MBTD1: variants seen among roughly 807,000 people sequenced by gnomAD.
MBTD1 encodes the protein mbt domain containing 1.
Under a neutral mutation model 87.8 loss-of-function variants are expected in MBTD1, and 24 were observed. The observed-to-expected ratio is 0.27, with a 90% CI of 0.20 to 0.38. The LOEUF is 0.38. MBTD1 is among the 10% of genes least tolerant of loss of function. The pLI, the probability that MBTD1 is intolerant of heterozygous loss-of-function variation, is 1.00. For missense variants in MBTD1, 436 were observed against 760.2 expected (o/e 0.57, Z 5.02); for synonymous variants, 237 against 248.6 (o/e 0.95, Z 0.44).
chr17:51,214,376 T>C (rs1250378672), intron 6 of MBTD1, among the ~76,000 whole-genome samples: 1 of 152,160 alleles, frequency 6.6e-6, no homozygotes, highest in Admixed American at 6.6e-5. Context: ...CCACTATAAA[T>C]AGTTACAGGA....
chr17:51,214,055 G>A (rs1037082532), intron 6 of MBTD1, among the ~76,000 whole-genome samples: 5 of 151,910 alleles, frequency 3.3e-5, no homozygotes, highest in Non-Finnish European at 5.9e-5. Flanking sequence ...GTGTATGTGT[G>A]TATATATATG....
intron 2 of MBTD1, among the ~76,000 whole-genome samples, chr17:51,249,254 G>C (rs191952774): frequency 6.6e-6 from 1 of 152,028 alleles, no homozygotes; most frequent in Non-Finnish European, 1.5e-5. Context: ...AGTTGGGGGT[G>C]GGGGGAAGCA....
At chr17:51,245,271 A>C (rs1023094472) in intron 2 of MBTD1, among the ~76,000 whole-genome samples, 10 of 151,868 alleles carry the variant, frequency 6.6e-5, no homozygotes, top group African/African-American at 2.4e-4. Flanking sequence ...TAGGGTTTTT[A>C]GTCTTAATTT....
chr17:51,259,492 G>A (rs2055322696), intron 1 of MBTD1, among the ~76,000 whole-genome samples: 1 of 152,098 alleles, frequency 6.6e-6, no homozygotes. Flanking sequence ...CCCACCCTGG[G>A]TGGCTAAAAA....
At chr17:51,260,591 C>T (rs1463426426), upstream of MBTD1, 2 of 1,611,990 alleles carry the variant, frequency 1.2e-6, no homozygotes, top group Non-Finnish European at 1.7e-6. Flanking sequence ...AACGATGCCG[C>T]CGGAGCGGAG....
upstream of MBTD1, chr17:51,260,387 C>T: frequency 4.9e-6 from 3 of 614,086 alleles, no homozygotes; most frequent in Non-Finnish European, 8.3e-6. Flanking sequence ...TTGGCCCTCC[C>T]GGAGGAACTC....
chr17:51,223,655 G>A lies in MBTD1; in HGVS notation c.154+1353C>T, dbSNP rs540892917. On this transcript the variant is annotated intron_variant, in intron 3 of 16. Coordinates refer to ENST00000586178, the MANE Select transcript of MBTD1 (RefSeq NM_017643.3). Reference sequence around the variant, plus strand: ...GTTTGAGACCGGCCTGGCCAATATGGTGAAACCCTATCTTTACTAAAAATA... The same window carrying A: ...GTTTGAGACCGGCCTGGCCAATATGATGAAACCCTATCTTTACTAAAAATA... Among the ~76,000 whole-genome samples, 13 of 152,200 alleles carry A rather than the reference G, an allele frequency of 8.5e-5. No homozygotes were observed. In the South Asian group the frequency reaches 2.5e-3, roughly 29 times the overall value.
chr17:51,185,449 G>A (rs190100234), intron 16 of MBTD1: 22 of 152,136 alleles, frequency 1.4e-4, no homozygotes, highest in Admixed American at 1.0e-3. Context: ...AATTACACTC[G>A]AATCAAATGC....
chr17:51,234,723 C>T (rs1034031512), intron 2 of MBTD1, among the ~76,000 whole-genome samples: 3 of 152,194 alleles, frequency 2.0e-5, no homozygotes, highest in Non-Finnish European at 4.4e-5. Flanking sequence ...GACGAAGTTT[C>T]GCTCTTGTCG....
In MBTD1 at chr17:51,202,702, A is replaced by T. The variant is rs2051561929; in HGVS notation, c.1062T>A (p.Ser354=). 1.2e-6 allele frequency: 2 copies of T among 1,611,088 alleles called. No homozygotes were observed. The highest frequency in any genetic ancestry group is 1.3e-5 in the African/African-American group (1 of 74,890). ...GGAGTTCTTGTGATAGGTGCTTACCAGATCTTTTGAATCGATGACCTATGC... is the reference window on the plus strand; with the variant it reads ...GGAGTTCTTGTGATAGGTGCTTACCTGATCTTTTGAATCGATGACCTATGC... ...SRSIGHRFKR[S]DITKKQDGHF... is the part of the protein sequence containing the mutation. The change falls in exon 10 of 17, where the codon TCT becomes TCA. Residue 354 remains serine (S), a splice_region_variant and synonymous_variant. Coordinates refer to ENST00000586178, the MANE Select transcript of MBTD1 (RefSeq NM_017643.3).
intron 2 of MBTD1, chr17:51,251,103 G>A (rs1003543220): frequency 6.6e-6 from 1 of 151,996 alleles, no homozygotes; most frequent in East Asian, 1.9e-4. Context: ...AATTTCACTT[G>A]GAGCATTGTG....
chr17:51,207,873 G>C, intron 6 of MBTD1, among the ~76,000 whole-genome samples: 1 of 152,190 alleles, frequency 6.6e-6, no homozygotes, highest in South Asian at 2.1e-4. Context: ...TATAAATGCT[G>C]ATAACACTAA....
chr17:51,192,973 G>A lies in MBTD1; in HGVS notation c.1499C>T (p.Ala500Val). ...TAAACGTGGCTCCATGAGATCTACT[G>A]CTTCTAATTTCATTCCTACACGAAA... ...HGFRVGMKLE[A>V]VDLMEPRLIC... Residue 500 changes from alanine to valine, a missense_variant, in exon 15 of 17, where the codon GCA becomes GTA. By Grantham distance (64) the Ala-to-Val change is moderately conservative (BLOSUM62 0). Transcript: ENST00000586178. 6.2e-7 allele frequency: 1 copy of A among 1,614,024 alleles called. No homozygotes were observed.
intron 2 of MBTD1, among the ~76,000 whole-genome samples, chr17:51,238,465 C>T (rs757378303): frequency 2.0e-5 from 3 of 152,014 alleles, no homozygotes; most frequent in Non-Finnish European, 2.9e-5. Context: ...ACAGAGGTAA[C>T]GAGAGTTTCT....
chr17:51,214,013 T>A (rs1243018143), intron 6 of MBTD1, among the ~76,000 whole-genome samples: 1 of 152,136 alleles, frequency 6.6e-6, no homozygotes, highest in Non-Finnish European at 1.5e-5. Context: ...CCAATCATAA[T>A]ACACAGATTT....
At chr17:51,202,000 G>A (rs2051519978) in intron 11 of MBTD1, 22 bp downstream of exon 11, 1 of 1,550,630 alleles carries the variant, frequency 6.4e-7, no homozygotes. Context: ...TACAAATGAG[G>A]GTTCTTATAA....
chr17:51,212,271 T>C (rs942959588), intron 6 of MBTD1, among the ~76,000 whole-genome samples: 20 of 151,562 alleles, frequency 1.3e-4, no homozygotes, highest in African/African-American at 4.6e-4. Context: ...GGCAAGAGAA[T>C]TGATTGAACC....
At position 51,187,798 on chromosome 17, in the gene MBTD1, G is replaced by A. The variant is rs913061197; in HGVS notation, c.1768+4405C>T. ...CGGGAGGCAGAGGTTGTGGCGAGCC[G>A]ACAGTGCACCACTGCACTCCAGCCT... On this transcript the variant is annotated intron_variant, in intron 16 of 16. Transcript: ENST00000586178. 6.1e-5 allele frequency among the ~76,000 whole-genome samples: 9 copies of A among 148,690 alleles called. No individual in the cohort carries two copies. In the South Asian group the frequency reaches 6.3e-4, roughly 10 times the overall value.
At chr17:51,217,153 A>T (rs899881948) in intron 6 of MBTD1, among the ~76,000 whole-genome samples, 181 bp downstream of exon 6, 1 of 152,204 alleles carries the variant, frequency 6.6e-6, no homozygotes, top group African/African-American at 2.4e-5. Context: ...GGAAACTTGT[A>T]CTTACAAAAC....
Sources: allele counts gnomAD v4.1 joint callset (sites outside exome capture counted in the v4.1 genomes callset), GRCh38; gene constraint gnomAD v4.1.1; transcripts MANE v1.5; gene names NCBI Gene and HGNC (gene_info 2026-07-23, HGNC 2026-07-21).